EWSR1: variants seen among roughly 807,000 people sequenced by gnomAD.
EWSR1 encodes EWS RNA binding protein 1.
Under a neutral mutation model 92.1 loss-of-function variants are expected in EWSR1, and 14 were observed. That is an observed-to-expected ratio of 0.15 (90% CI 0.10 to 0.24). The LOEUF (loss-of-function observed/expected upper bound fraction) is 0.24. Ranked by LOEUF, EWSR1 falls within the 10% of genes least tolerant of loss-of-function variation. EWSR1 has a pLI of 1.00. For missense variants in EWSR1, 637 were observed against 870.9 expected (o/e 0.73, Z 3.38); for synonymous variants, 303 against 292.9 (o/e 1.03, Z -0.35).
intron 8 of EWSR1, chr22:29,291,147 T>C (rs2060412777): frequency 8.2e-6 from 2 of 244,908 alleles, no homozygotes; most frequent in African/African-American, 2.2e-5. Context: ...CTCATTTGGC[T>C]CTCCCTTGGG....
intron 2 of EWSR1, 32 bp downstream of exon 2, chr22:29,272,284 T>C (rs762363230): frequency 1.2e-6 from 2 of 1,613,746 alleles, no homozygotes; most frequent in South Asian, 1.1e-5. Flanking sequence ...GTATTTTGTG[T>C]GTGATTAATA....
intron 5 of EWSR1, among the ~76,000 whole-genome samples, chr22:29,281,980 A>G (rs1388443304): frequency 1.3e-5 from 2 of 152,218 alleles, no homozygotes; most frequent in African/African-American, 4.8e-5. Flanking sequence ...ACTTCAACCT[A>G]AAACTTAACA....
intron 4 of EWSR1, chr22:29,277,825 A>C (rs902964942): frequency 3.7e-6 from 2 of 547,182 alleles, no homozygotes; most frequent in Non-Finnish European, 6.5e-6. Context: ...CAAATGAGAC[A>C]GTTACTTTAC....
chr22:29,300,374 GGTT>G lies in EWSR1; in HGVS notation c.*217_*219del, dbSNP rs2061255426. ...TTTTTTTCTTCCTTCTTTTAAAAAT[GGTT>G]GTTTAAGACTTTAACAATGGGAACC... On this transcript the variant is annotated 3_prime_UTR_variant, in exon 17 of 17. Coordinates refer to ENST00000397938, the MANE Select transcript of EWSR1 (RefSeq NM_005243.4). 1.9e-6 allele frequency: 1 copy of G among 513,002 alleles called. No individual in the cohort carries two copies. The highest frequency in any genetic ancestry group is 2.0e-5 in the African/African-American group (1 of 50,044). 31.8% of individuals were successfully genotyped at this position (513,002 alleles called of 1,614,324 possible). A position where few individuals can be genotyped will look rare whatever the true frequency, so the allele number is the denominator to read the frequency against.
At chr22:29,278,756 C>T (rs1317137271) in intron 5 of EWSR1, among the ~76,000 whole-genome samples, 2 of 151,072 alleles carry the variant, frequency 1.3e-5, no homozygotes, top group Non-Finnish European at 2.9e-5. Context: ...ACCCGAGAGG[C>T]GGAGCTTGCA....
At chr22:29,285,942 A>G (rs1255144439) in intron 6 of EWSR1, among the ~76,000 whole-genome samples, 4 of 152,154 alleles carry the variant, frequency 2.6e-5, no homozygotes, top group Admixed American at 1.3e-4. Flanking sequence ...GGTTCATGCC[A>G]TTCTCCTGCC....
At chr22:29,286,388 TATA>T (rs966740930) in intron 6 of EWSR1, among the ~76,000 whole-genome samples, 3 of 151,754 alleles carry the variant, frequency 2.0e-5, no homozygotes, top group Non-Finnish European at 4.4e-5. Context: ...AGATGGTGGT[TATA>T]ATATTTCCCC....
chr22:29,279,655 T>G (rs1293518533), intron 5 of EWSR1, among the ~76,000 whole-genome samples: 2 of 152,246 alleles, frequency 1.3e-5, no homozygotes, highest in African/African-American at 4.8e-5. Flanking sequence ...ACTTCTAACC[T>G]AGATATATCT....
chr22:29,280,060 C>T (rs548059765), intron 5 of EWSR1, among the ~76,000 whole-genome samples: 10 of 152,112 alleles, frequency 6.6e-5, no homozygotes, highest in Non-Finnish European at 1.0e-4. Flanking sequence ...TTCACACCCT[C>T]TCTGGTTTTT....
chr22:29,282,597 AAC>A, intron 6 of EWSR1, 40 bp downstream of exon 6: 1 of 1,483,294 alleles, frequency 6.7e-7, no homozygotes, highest in Non-Finnish European at 8.9e-7. Context: ...ACAGTGACAA[AAC>A]AGTTTTTTTC....
Position 29,278,115 on chromosome 22 carries a change from A to T in EWSR1, c.312A>T (p.Thr104=), listed in dbSNP as rs750563135. Reference sequence around the variant, plus strand: ...GTGCTTATGATACCACCACTGCTACAGTCACCACCACCCAGGCCTCCTATG... The same window carrying T: ...GTGCTTATGATACCACCACTGCTACTGTCACCACCACCCAGGCCTCCTATG... ...GTGAYDTTTA[T]VTTTQASYAA... Residue 104 remains threonine (T), a synonymous_variant, in exon 5 of 17, where the codon ACA becomes ACT. Transcript: ENST00000397938. The T allele has an allele frequency of 1.2e-6, 2 of 1,614,180 alleles. No individual in the cohort carries two copies. The highest frequency in any genetic ancestry group is 3.3e-5 in the Admixed American group (2 of 60,024).
chr22:29,283,948 C>T (rs960478161), intron 6 of EWSR1, among the ~76,000 whole-genome samples: 14 of 151,432 alleles, frequency 9.2e-5, no homozygotes, highest in South Asian at 2.1e-4. Flanking sequence ...GATTCTCCTG[C>T]CTCAGCCTCC....
At chr22:29,281,168 C>T (rs191023952) in intron 5 of EWSR1, among the ~76,000 whole-genome samples, 1 of 151,546 alleles carries the variant, frequency 6.6e-6, no homozygotes, top group African/African-American at 2.4e-5. Flanking sequence ...TGTGAACCAC[C>T]GCTACCAGCC....
chr22:29,279,218 T>TC (rs2059371240), intron 5 of EWSR1, among the ~76,000 whole-genome samples: 1 of 152,172 alleles, frequency 6.6e-6, no homozygotes. Flanking sequence ...TTATCTTTGA[T>TC]TTCATTGACC....
chr22:29,272,003 T>G (rs543677892), intron 1 of EWSR1, among the ~76,000 whole-genome samples: 2 of 152,312 alleles, frequency 1.3e-5, no homozygotes, highest in African/African-American at 4.8e-5. Context: ...TTGACCTCAT[T>G]AGCTAGTCCC....
At position 29,300,211 on chromosome 22, in the gene EWSR1, C is replaced by G. The variant is rs747348720; in HGVS notation, c.*50C>G. The G allele has an allele frequency of 1.3e-6, 2 of 1,535,540 alleles. No individual in the cohort carries two copies. Among genetic ancestry groups the G allele is most frequent in the Non-Finnish European group, 1.8e-6 (2 of 1,115,882 alleles). On this transcript the variant is annotated 3_prime_UTR_variant, in exon 17 of 17. Coordinates refer to ENST00000397938, the MANE Select transcript of EWSR1 (RefSeq NM_005243.4). ...TTGACTACCAGATTTATTTTTTAAA[C>G]CAGAAAATGTTTTAAATTTATAATT...
intron 5 of EWSR1, among the ~76,000 whole-genome samples, chr22:29,279,141 G>T (rs1455184794): frequency 6.6e-6 from 1 of 152,160 alleles, no homozygotes; most frequent in Non-Finnish European, 1.5e-5. Context: ...GAGTGTGTGT[G>T]TGTGTGTTTT....
chr22:29,288,362 T>A (rs1010645662), intron 7 of EWSR1, among the ~76,000 whole-genome samples: 1 of 152,124 alleles, frequency 6.6e-6, no homozygotes, highest in Non-Finnish European at 1.5e-5. Flanking sequence ...GGGCTTTTTT[T>A]GTTGTTGTTA....
Position 29,299,346 on chromosome 22 carries a change from C to T in EWSR1, c.1678+15C>T. 6.2e-7 allele frequency: 1 copy of T among 1,608,760 alleles called. No individual in the cohort carries two copies. The highest frequency in any genetic ancestry group is 8.5e-7 in the Non-Finnish European group (1 of 1,175,800). ...TCCGCCCCCGGGTAGGTGCAGGTTT[C>T]ATGAGTGTCCCCTCAGCTTCCTGGT... is the stretch of plus-strand genomic sequence containing the variant. On this transcript the variant is annotated intron_variant, in intron 15 of 16. Coordinates refer to ENST00000397938, the MANE Select transcript of EWSR1 (RefSeq NM_005243.4).
Sources: gnomAD v4.1 joint callset for allele counts (sites outside exome capture counted in the v4.1 genomes callset) on GRCh38, gnomAD v4.1.1 for gene constraint, MANE v1.5 for transcripts, NCBI Gene and HGNC (gene_info 2026-07-23, HGNC 2026-07-21) for gene names.